The following ACOT11 variants were observed in gnomAD, a reference collection of about 807,000 sequenced individuals.
ACOT11 encodes acyl-coenzyme A thioesterase 11.
In ACOT11, 69 loss-of-function variants were observed where a neutral mutation model predicts 77.5. The observed-to-expected ratio is 0.89, with a 90% CI of 0.73 to 1.09. The LOEUF (loss-of-function observed/expected upper bound fraction) is 1.09, where lower values mean the gene tolerates loss of function less well. Among genes scored for constraint, ACOT11 ranks in the 50% least tolerant of loss-of-function variants. ACOT11 has a pLI of 0.00. For missense variants in ACOT11, 766 were observed against 813.7 expected (o/e 0.94, Z 0.71); for synonymous variants, 279 against 313.0 (o/e 0.89, Z 1.15).
chr1:54,556,587 G>GTTT (rs202144291), intron 1 of ACOT11, among the ~76,000 whole-genome samples: 1 of 146,058 alleles, frequency 6.8e-6, no homozygotes, highest in East Asian at 2.0e-4. Context: ...TCATTGTAGA[G>GTTT]TTTTTTTTTT....
rs761738488 is a variant in ACOT11, at chr1:54,609,721, G to T, written c.*609G>T. 6.2e-7 allele frequency: 1 copy of T among 1,614,128 alleles called. No individual in the cohort carries two copies. The highest frequency in any genetic ancestry group is 8.5e-7 in the Non-Finnish European group (1 of 1,180,012). ...CAACCCACACAGGCCAATGCAAGAG[G>T]CCAAGGCTGGAGAGGCGTGCCAGCA... On this transcript the variant is annotated 3_prime_UTR_variant, in exon 16 of 16. Coordinates refer to ENST00000343744, the MANE Select transcript of ACOT11 (RefSeq NM_147161.4).
intron 1 of ACOT11, among the ~76,000 whole-genome samples, chr1:54,574,968 G>A (rs578055264): frequency 6.6e-6 from 1 of 152,316 alleles, no homozygotes; most frequent in African/African-American, 2.4e-5. Context: ...ATGGAGCTGG[G>A]TGGGAGTGCT....
chr1:54,549,218 G>A (rs944584989), intron 1 of ACOT11, among the ~76,000 whole-genome samples: 1 of 152,044 alleles, frequency 6.6e-6, no homozygotes, highest in African/African-American at 2.4e-5. Context: ...CACACTGGAG[G>A]GATGCTTCTA....
chr1:54,623,060 C>T (rs1259715197), intron 15 of ACOT11, among the ~76,000 whole-genome samples: 1 of 151,968 alleles, frequency 6.6e-6, no homozygotes. Flanking sequence ...CCTGTAATCC[C>T]AGCTACTCGG....
Position 54,607,809 on chromosome 1 carries a change from C to CT in ACOT11, c.1503-133_1503-132insT. 8.1e-7 allele frequency: 1 copy of CT among 1,231,732 alleles called. No individual in the cohort carries two copies. Among genetic ancestry groups the CT allele is most frequent in the Non-Finnish European group, 1.1e-6 (1 of 882,176 alleles). 76.3% of individuals were successfully genotyped at this position (1,231,732 alleles called of 1,614,324 possible). ...AGCCCCGCATTGGGGCTTTAAGAGT[C>CT]GATGTGCCTTGCATCCCCCTGGTGA... On this transcript the variant is annotated intron_variant, in intron 14 of 15. Transcript: ENST00000343744. The surrounding 1 kb of genome is among the most constrained non-coding windows in gnomAD (Gnocchi z 4.5).
At chr1:54,591,590 C>T (rs141069506) in intron 3 of ACOT11, among the ~76,000 whole-genome samples, 3 of 152,390 alleles carry the variant, frequency 2.0e-5, no homozygotes, top group African/African-American at 4.8e-5. Flanking sequence ...GGAGATCACA[C>T]AGCAATTGAA....
At chr1:54,558,698 G>GCTCACTC (rs1653356914) in intron 1 of ACOT11, among the ~76,000 whole-genome samples, 1 of 152,170 alleles carries the variant, frequency 6.6e-6, no homozygotes, top group African/African-American at 2.4e-5. Context: ...AGCCCCTGCT[G>GCTCACTC]CTCACTCCTC....
Position 54,623,344 on chromosome 1 carries a change from C to T in ACOT11, c.1630-7390C>T, listed in dbSNP as rs758346504. On this transcript the variant is annotated intron_variant, in intron 15 of 16. Transcript: ENST00000371316. The stretch of plus-strand genomic sequence containing the variant: ...ACCACCACAGACACACAGGTAATGC[C>T]GGCAAACACCCACTTGACCTGATTC... 1.2e-5 allele frequency: 19 copies of T among 1,613,856 alleles called. No individual in the cohort carries two copies. The highest frequency in any genetic ancestry group is 2.7e-5 in the African/African-American group (2 of 74,846).
chr1:54,629,318 ACTCTGTTGCCCAGGCT>A (rs1298992635), intron 15 of ACOT11, among the ~76,000 whole-genome samples: 1 of 132,050 alleles, frequency 7.6e-6, no homozygotes, highest in Non-Finnish European at 1.7e-5. Flanking sequence ...ATAGAGTCTC[ACTCTGTTGCCCAGGCT>A]GGAGTGCAGT....
At chr1:54,610,527 G>A, downstream of ACOT11, 1 of 1,613,340 alleles carries the variant, frequency 6.2e-7, no homozygotes, top group Non-Finnish European at 8.5e-7. Flanking sequence ...TGCCTCCCGT[G>A]TAGTACATTG....
intron 15 of ACOT11, among the ~76,000 whole-genome samples, chr1:54,615,489 T>C (rs1176936654): frequency 6.6e-6 from 1 of 151,600 alleles, no homozygotes; most frequent in African/African-American, 2.4e-5. Context: ...AAGGGAAGCC[T>C]GGAAGGGCTG....
At chr1:54,582,632 A>C in intron 1 of ACOT11, 2 of 558,824 alleles carry the variant, frequency 3.6e-6, no homozygotes, top group Non-Finnish European at 4.5e-6. Context: ...CTTAGGTATC[A>C]TGACTGCTGG....
chr1:54,560,242 C>G (rs1653418244), intron 1 of ACOT11, among the ~76,000 whole-genome samples: 1 of 152,124 alleles, frequency 6.6e-6, no homozygotes, highest in African/African-American at 2.4e-5. Flanking sequence ...CCAAGATAGC[C>G]CCTCACCAGC....
At chr1:54,635,680 A>C in exon 17 of ACOT11, 1 of 166,990 alleles carries the variant, frequency 6.0e-6, no homozygotes, top group Non-Finnish European at 1.3e-5. Context: ...CTGTGATTTC[A>C]ATGATGACTA....
intron 3 of ACOT11, among the ~76,000 whole-genome samples, chr1:54,589,632 G>A (rs1055325849): frequency 2.6e-5 from 4 of 151,876 alleles, no homozygotes; most frequent in Non-Finnish European, 5.9e-5. Context: ...CACCATACCT[G>A]GCTAATTAAA....
intron 1 of ACOT11, among the ~76,000 whole-genome samples, chr1:54,557,203 T>A (rs2100940566): frequency 6.6e-6 from 1 of 151,788 alleles, no homozygotes; most frequent in African/African-American, 2.4e-5. Flanking sequence ...ACCAGCCTGG[T>A]CAACATGGTG....
chr1:54,614,898 G>A (rs1296999625), downstream of ACOT11: 1 of 1,600,296 alleles, frequency 6.2e-7, no homozygotes, highest in African/African-American at 1.3e-5. Context: ...AAATGGCGAA[G>A]GAACTAGGAA....
chr1:54,571,705 A>C (rs1262245193), intron 1 of ACOT11, among the ~76,000 whole-genome samples: 1 of 152,130 alleles, frequency 6.6e-6, no homozygotes, highest in African/African-American at 2.4e-5. Context: ...TTTCTTGAAC[A>C]CTCCTGGGAA....
intron 1 of ACOT11, among the ~76,000 whole-genome samples, chr1:54,559,977 G>T (rs1385447362): frequency 1.3e-5 from 2 of 152,206 alleles, no homozygotes; most frequent in Non-Finnish European, 2.9e-5. Flanking sequence ...TGGTGCTGCT[G>T]GCTGGGTCCT....
Sources: gnomAD v4.1 joint callset for allele counts (sites outside exome capture counted in the v4.1 genomes callset) on GRCh38, gnomAD v4.1.1 for gene constraint, Gnocchi (gnomAD v3.1) non-coding constraint, MANE v1.5 for transcripts, NCBI Gene and HGNC (gene_info 2026-07-23, HGNC 2026-07-21) for gene names.